Variants in DDIAS observed in about 807,000 individuals in gnomAD.
The protein encoded by DDIAS is DNA damage induced apoptosis suppressor.
Under a neutral mutation model 15.7 loss-of-function variants are expected in DDIAS, and 14 were observed. The ratio of observed to expected loss-of-function variants is 0.89; its 90% CI spans 0.59 to 1.39. The LOEUF (loss-of-function observed/expected upper bound fraction) is 1.39, where lower values mean the gene tolerates loss of function less well. Ranked by LOEUF, DDIAS falls within the 40% of genes most tolerant of loss-of-function variation. The pLI, the probability that DDIAS is intolerant of heterozygous loss-of-function variation, is 0.00. For missense variants in DDIAS, 1,035 were observed against 1,130.9 expected (o/e 0.92, Z 1.22); for synonymous variants, 355 against 395.9 (o/e 0.90, Z 1.23).
intron 1 of DDIAS, among the ~76,000 whole-genome samples, chr11:82,909,875 A>G (rs187499499): frequency 6.6e-6 from 1 of 152,278 alleles, no homozygotes; most frequent in East Asian, 1.9e-4. Context: ...TATTTAAATT[A>G]TTTATCTTTC....
chr11:82,924,740 G>C (rs974343993), intron 3 of DDIAS, among the ~76,000 whole-genome samples: 2 of 152,066 alleles, frequency 1.3e-5, no homozygotes, highest in African/African-American at 4.8e-5. Context: ...GCTTGAGCCT[G>C]AGCGGTCAAG....
intron 4 of DDIAS, 35 bp downstream of exon 4, chr11:82,928,973 C>A: frequency 6.3e-7 from 1 of 1,580,500 alleles, no homozygotes; most frequent in Admixed American, 2.0e-5. Flanking sequence ...TTCCTGACTG[C>A]CCTTAGAATT....
At chr11:82,928,421 A>G (rs962003607) in intron 3 of DDIAS, among the ~76,000 whole-genome samples, 3 of 151,534 alleles carry the variant, frequency 2.0e-5, no homozygotes. Context: ...GGATGGTCTC[A>G]ATCTCCTGAC....
Position 82,933,890 on chromosome 11 carries a change from A to G in DDIAS, c.2552A>G (p.Tyr851Cys). 1.2e-6 allele frequency: 2 copies of G among 1,613,918 alleles called. No homozygotes were observed. The highest frequency in any genetic ancestry group is 1.7e-6 in the Non-Finnish European group (2 of 1,179,994). Reference sequence around the variant, plus strand: ...TCACAACCAGACGTTTTCAATCACTACCCTTTTGCTGAGTGCCATGAAACT... The same window carrying G: ...TCACAACCAGACGTTTTCAATCACTGCCCTTTTGCTGAGTGCCATGAAACT... ...GVSQPDVFNHYPFAECHETDS... is the reference protein window; with the variant it reads ...GVSQPDVFNHCPFAECHETDS... The change falls in exon 6 of 6, where the codon TAC becomes TGC. Residue 851 changes from tyrosine to cysteine, a missense_variant. Tyr to Cys is a radical substitution (Grantham distance 194). Coordinates refer to ENST00000533655, the MANE Select transcript of DDIAS (RefSeq NM_145018.4).
intron 3 of DDIAS, among the ~76,000 whole-genome samples, chr11:82,917,537 A>G (rs981901813): frequency 2.0e-5 from 3 of 151,770 alleles, no homozygotes; most frequent in Non-Finnish European, 2.9e-5. Flanking sequence ...TTCTTTATCC[A>G]CTCATTGATT....
At position 82,932,760 on chromosome 11, in the gene DDIAS, AC is replaced by A. The variant is rs750013749; in HGVS notation, c.1424del (p.Pro475HisfsTer3). 5 of 1,613,926 alleles carry A rather than the reference AC, an allele frequency of 3.1e-6. No individual in the cohort carries two copies. The African/African-American group carries it at 6.7e-5, about 22-fold the overall frequency. On this transcript the variant is annotated frameshift_variant, in exon 6 of 6. Transcript: ENST00000533655. LOFTEE classifies it low-confidence loss of function (END_TRUNC). Reference sequence around the variant, plus strand: ...AGAGAACTACTGGAGCCCTGCATACACCACCTATAGCTTTAAGATCATCACA... The same window carrying A: ...AGAGAACTACTGGAGCCCTGCATACACACCTATAGCTTTAAGATCATCACA... ...PQRTTGALHT[P>X]PIALRSSQVI... is the part of the protein sequence containing the mutation.
chr11:82,925,721 G>C (rs1040186536), intron 3 of DDIAS, among the ~76,000 whole-genome samples: 1 of 152,162 alleles, frequency 6.6e-6, no homozygotes, highest in African/African-American at 2.4e-5. Flanking sequence ...AGGTGCGGTG[G>C]CTCACACCTG....
At chr11:82,916,784 A>T (rs577288339) in intron 3 of DDIAS, among the ~76,000 whole-genome samples, 54 of 152,204 alleles carry the variant, frequency 3.5e-4, no homozygotes, top group African/African-American at 1.2e-3. Flanking sequence ...GTTAATGCCA[A>T]CCTTTAAAGG....
chr11:82,924,860 G>A (rs1860826442), intron 3 of DDIAS, among the ~76,000 whole-genome samples: 1 of 151,962 alleles, frequency 6.6e-6, no homozygotes. Flanking sequence ...ATGAAACTTG[G>A]TATTTTTTTA....
At chr11:82,908,022 T>C (rs577185639) in intron 1 of DDIAS, among the ~76,000 whole-genome samples, 2 of 152,248 alleles carry the variant, frequency 1.3e-5, no homozygotes, top group Admixed American at 6.5e-5. Context: ...GCAGGGTTAG[T>C]ACCATGAAGG....
At chr11:82,925,698 G>A (rs533628760) in intron 3 of DDIAS, among the ~76,000 whole-genome samples, 15 of 152,154 alleles carry the variant, frequency 9.9e-5, no homozygotes, top group Middle Eastern at 3.4e-3. Flanking sequence ...TAAATAATTC[G>A]ACTATGGTAG....
rs565555421 is a variant in DDIAS at position 82,906,002 on chromosome 11, A to G, written c.-117+4180A>G. Reference sequence around the variant, plus strand: ...TTACTTATTCCTGATGTTTCATTCAATTATTCATCAGACATGCATCCACTA... The same window carrying G: ...TTACTTATTCCTGATGTTTCATTCAGTTATTCATCAGACATGCATCCACTA... On this transcript the variant is annotated intron_variant, in intron 1 of 5. Coordinates refer to ENST00000533655, the MANE Select transcript of DDIAS (RefSeq NM_145018.4). 1.2e-4 allele frequency among the ~76,000 whole-genome samples: 19 copies of G among 152,278 alleles called. No individual in the cohort carries two copies. The East Asian group carries it at 3.7e-3, about 29-fold the overall frequency.
chr11:82,914,166 C>A (rs994732757), intron 2 of DDIAS: 7 of 271,708 alleles, frequency 2.6e-5, no homozygotes, highest in Non-Finnish European at 4.3e-5. Context: ...AACTCCCTAC[C>A]TCAGGTGATC....
chr11:82,923,189 A>G (rs371088264), intron 3 of DDIAS, among the ~76,000 whole-genome samples: 18 of 152,206 alleles, frequency 1.2e-4, no homozygotes, highest in African/African-American at 2.7e-4. Flanking sequence ...GCTAAAATTC[A>G]TAGTGCGAGC....
At chr11:82,904,474 A>G (rs1860386689) in intron 1 of DDIAS, among the ~76,000 whole-genome samples, 1 of 152,234 alleles carries the variant, frequency 6.6e-6, no homozygotes, top group African/African-American at 2.4e-5. Context: ...GAATTGCAAA[A>G]TCATCCAAAT....
At chr11:82,927,163 A>T (rs1860880632) in intron 3 of DDIAS, among the ~76,000 whole-genome samples, 2 of 152,210 alleles carry the variant, frequency 1.3e-5, no homozygotes, top group Non-Finnish European at 2.9e-5. Flanking sequence ...AATGCATATT[A>T]GTCTAAGTTT....
intron 1 of DDIAS, among the ~76,000 whole-genome samples, chr11:82,906,733 G>A (rs377536101): frequency 2.3e-4 from 35 of 152,216 alleles, no homozygotes; most frequent in African/African-American, 8.2e-4. Context: ...AAAATTAGAA[G>A]TGAGGATAAG....
At chr11:82,906,609 A>C (rs980237684) in intron 1 of DDIAS, among the ~76,000 whole-genome samples, 9 of 152,192 alleles carry the variant, frequency 5.9e-5, no homozygotes, top group African/African-American at 2.2e-4. Context: ...TTTGAATAAC[A>C]ATTGTGTAAA....
At position 82,933,929 on chromosome 11, in the gene DDIAS, G is replaced by A; in HGVS notation, c.2591G>A (p.Trp864Ter). 2 of 1,613,396 alleles carry A rather than the reference G, an allele frequency of 1.2e-6. No homozygotes were observed. Among genetic ancestry groups the A allele is most frequent in the Non-Finnish European group, 1.7e-6 (2 of 1,179,830 alleles). Residue 864 changes from tryptophan to a stop codon, truncating the protein, a stop_gained, in exon 6 of 6, where the codon TGG (tryptophan) becomes TAG (stop). Transcript: ENST00000533655. LOFTEE classifies it low-confidence loss of function (END_TRUNC). ...TGCCATGAAACTGATAGTGATGAATGGGTCCCTCCTACCACACAAAAAATA... is the reference window on the plus strand; with the variant it reads ...TGCCATGAAACTGATAGTGATGAATAGGTCCCTCCTACCACACAAAAAATA... ...AECHETDSDE[W>*]VPPTTQKIFP... is the part of the protein sequence containing the mutation.
Sources: allele counts gnomAD v4.1 joint callset (sites outside exome capture counted in the v4.1 genomes callset), GRCh38; gene constraint gnomAD v4.1.1; transcripts MANE v1.5; gene names NCBI Gene and HGNC (gene_info 2026-07-23, HGNC 2026-07-21).